Variants in SEMA3E observed in about 807,000 individuals in gnomAD.
The protein encoded by SEMA3E is semaphorin 3E, also known as semaphorin-3E.
SEMA3E carries 49 observed loss-of-function variants against 93.6 expected under a neutral mutation model. The ratio of observed to expected loss-of-function variants is 0.52; its 90% CI spans 0.42 to 0.66. SEMA3E has a LOEUF of 0.66. SEMA3E is among the 30% of genes least tolerant of loss of function. The probability of loss-of-function intolerance (pLI) is 0.00; values close to 1 mark genes in which losing one functional copy is unlikely to be tolerated. For synonymous variants in SEMA3E, 363 were observed against 330.7 expected, an observed-to-expected ratio of 1.10 and a Z score of -1.06; for missense variants, 906 against 964.8, an observed-to-expected ratio of 0.94 and a Z score of 0.81.
chr7:83,496,710 C>A (rs191522650), intron 1 of SEMA3E, among the ~76,000 whole-genome samples: 57 of 152,122 alleles, frequency 3.7e-4, no homozygotes, highest in Middle Eastern at 3.4e-3. Context: ...TTTAGAGTCA[C>A]TCCTTTAAGT....
In SEMA3E at chr7:83,468,573, A is replaced by G. The variant is rs77542746; in HGVS notation, c.336+670T>C. 6.2e-3 allele frequency among the ~76,000 whole-genome samples: 943 copies of G among 152,202 alleles called. 8 individuals carry two copies. Among genetic ancestry groups the G allele is most frequent in the African/African-American group, 0.022 (909 of 41,540 alleles). The stretch of plus-strand genomic sequence containing the variant: ...ATAGTTTTTTTTTTTTTAACTGAAA[A>G]AAAGGTTAAGTTCACTTTCACAGGC... On this transcript the variant is annotated intron_variant, in intron 3 of 16. Coordinates refer to ENST00000643230, the MANE Select transcript of SEMA3E (RefSeq NM_012431.3).
chr7:83,445,858 G>A (rs1270210187), intron 4 of SEMA3E, among the ~76,000 whole-genome samples: 2 of 152,140 alleles, frequency 1.3e-5, no homozygotes, highest in Non-Finnish European at 2.9e-5. Context: ...GGAAGTTATG[G>A]ACTTTTACTT....
intron 1 of SEMA3E, among the ~76,000 whole-genome samples, chr7:83,549,389 T>C (rs1225098265): frequency 6.6e-6 from 1 of 152,166 alleles, no homozygotes; most frequent in Non-Finnish European, 1.5e-5. Context: ...TTACCATCTA[T>C]TAGTCTGATT....
At chr7:83,595,103 A>C (rs1030495732) in intron 1 of SEMA3E, among the ~76,000 whole-genome samples, 1 of 152,088 alleles carries the variant, frequency 6.6e-6, no homozygotes, top group African/African-American at 2.4e-5. Context: ...ACTAAAGAGA[A>C]TCTAAGTGAA....
intron 2 of SEMA3E, among the ~76,000 whole-genome samples, chr7:83,472,055 C>T (rs186541042): frequency 2.0e-4 from 31 of 152,240 alleles, no homozygotes; most frequent in Middle Eastern, 6.8e-3. Context: ...ACTCTCCCAG[C>T]GATGGATACC....
chr7:83,564,179 A>G (rs1208108638), intron 1 of SEMA3E, among the ~76,000 whole-genome samples: 1 of 152,222 alleles, frequency 6.6e-6, no homozygotes, highest in Non-Finnish European at 1.5e-5. Context: ...TGCAAATAAA[A>G]TCATTTTTTA....
chr7:83,613,912 T>C (rs1278541889), intron 1 of SEMA3E, among the ~76,000 whole-genome samples: 1 of 152,100 alleles, frequency 6.6e-6, no homozygotes. Flanking sequence ...AGATGTAGCA[T>C]CTCTTGAAGC....
At chr7:83,383,018 C>A (rs1316465431) in intron 16 of SEMA3E, among the ~76,000 whole-genome samples, 1 of 151,866 alleles carries the variant, frequency 6.6e-6, no homozygotes, top group Non-Finnish European at 1.5e-5. Flanking sequence ...AACAGGCAGA[C>A]ATTACAGAAT....
chr7:83,618,109 G>T (rs1471295839), intron 1 of SEMA3E, among the ~76,000 whole-genome samples: 1 of 152,078 alleles, frequency 6.6e-6, no homozygotes, highest in Admixed American at 6.6e-5. Flanking sequence ...GTGGTGAGAA[G>T]TCAGAGAAGA....
At chr7:83,604,375 G>C (rs1437011563) in intron 1 of SEMA3E, among the ~76,000 whole-genome samples, 1 of 151,494 alleles carries the variant, frequency 6.6e-6, no homozygotes, top group Non-Finnish European at 1.5e-5. Context: ...AATTTAGGTA[G>C]AAATGACACA....
rs763758215 is a variant in SEMA3E at position 83,368,029 on chromosome 7, C to T, written c.1885G>A (p.Asp629Asn). Residue 629 changes from aspartate (D) to asparagine (N), a missense_variant, in exon 17 of 17, where the codon GAT becomes AAT. Transcript: ENST00000643230. Reference sequence around the variant, plus strand: ...AGGTCCATCTTAACCACTCTGTCATCTGTCTTCACCTGCAAAAACAAAAAA... The same window carrying T: ...AGGTCCATCTTAACCACTCTGTCATTTGTCTTCACCTGCAAAAACAAAAAA... The part of the protein sequence containing the change: ...RETRKEEVKT[D>N]DRVVKMDLGL... 9 of 1,613,896 alleles carry T rather than the reference C, an allele frequency of 5.6e-6. No homozygotes were observed. The highest frequency in any genetic ancestry group is 7.6e-6 in the Non-Finnish European group (9 of 1,179,960).
intron 1 of SEMA3E, among the ~76,000 whole-genome samples, chr7:83,561,099 C>T (rs1318760265): frequency 1.3e-5 from 2 of 151,948 alleles, no homozygotes; most frequent in East Asian, 3.9e-4. Flanking sequence ...AATGTTCTAA[C>T]AGGATTTAAA....
chr7:83,545,023 T>C (rs958141429), intron 1 of SEMA3E, among the ~76,000 whole-genome samples: 3 of 152,184 alleles, frequency 2.0e-5, no homozygotes, highest in African/African-American at 7.2e-5. Flanking sequence ...AATGCTACAA[T>C]TTAACAAAAT....
At chr7:83,504,194 A>T (rs1050725732) in intron 1 of SEMA3E, among the ~76,000 whole-genome samples, 3 of 152,186 alleles carry the variant, frequency 2.0e-5, no homozygotes, top group African/African-American at 7.2e-5. Context: ...TCAATATCAC[A>T]TTTTTCTCAT....
At chr7:83,643,927 T>A (rs2115719645) in intron 1 of SEMA3E, among the ~76,000 whole-genome samples, 1 of 152,106 alleles carries the variant, frequency 6.6e-6, no homozygotes, top group African/African-American at 2.4e-5. Context: ...GATGTGTGAC[T>A]AATGTCACTA....
chr7:83,599,217 A>G (rs1792935147), intron 1 of SEMA3E, among the ~76,000 whole-genome samples: 1 of 152,214 alleles, frequency 6.6e-6, no homozygotes, highest in Admixed American at 6.5e-5. Flanking sequence ...AATACTTTCC[A>G]TTTCTAACCT....
At chr7:83,616,005 AAC>A (rs201774689) in intron 1 of SEMA3E, among the ~76,000 whole-genome samples, 1,656 of 136,586 alleles carry the variant, frequency 0.012, 28 homozygotes, top group African/African-American at 0.036. Flanking sequence ...AAAAAAAAAA[AAC>A]ATTGGTAAAT....
chr7:83,492,144 A>G lies in SEMA3E; in HGVS notation c.116-1870T>C, dbSNP rs539999149. ...ACTGATGAAAGGATGGTTACGCACT[A>G]GCTTGAATAGGTTCCTAGACTACAG... is the stretch of plus-strand genomic sequence containing the variant. On this transcript the variant is annotated intron_variant, in intron 1 of 16. Coordinates refer to ENST00000643230, the MANE Select transcript of SEMA3E (RefSeq NM_012431.3). 3.1e-4 allele frequency among the ~76,000 whole-genome samples: 47 copies of G among 152,160 alleles called. No individual in the cohort carries two copies. In the South Asian group the frequency reaches 9.5e-3, roughly 31 times the overall value.
chr7:83,552,756 C>A (rs6972771), intron 1 of SEMA3E, among the ~76,000 whole-genome samples: 2,797 of 152,106 alleles, frequency 0.018, 68 homozygotes, highest in African/African-American at 0.064. Context: ...ACTAGGGTGG[C>A]GAAAAACTCC....
Sources: allele counts gnomAD v4.1 joint callset (sites outside exome capture counted in the v4.1 genomes callset), GRCh38; gene constraint gnomAD v4.1.1; transcripts MANE v1.5; gene names NCBI Gene and HGNC (gene_info 2026-07-23, HGNC 2026-07-21).